APC: variants seen among roughly 807,000 people sequenced by gnomAD.
The protein encoded by APC is adenomatous polyposis coli protein.
Under a neutral mutation model 247.0 loss-of-function variants are expected in APC, and 72 were observed. That is an observed-to-expected ratio of 0.29 (90% CI 0.24 to 0.35). APC has a LOEUF of 0.35. APC is among the 10% of genes least tolerant of loss of function. The pLI, the probability that APC is intolerant of heterozygous loss-of-function variation, is 1.00. For synonymous variants in APC, 1,254 were observed against 1,162.5 expected (o/e 1.08, Z -1.60); for missense variants, 3,400 against 3,360.7 (o/e 1.01, Z -0.29).
At chr5:112,748,274 A>G (rs1203295018) in intron 1 of APC, among the ~76,000 whole-genome samples, 1 of 152,198 alleles carries the variant, frequency 6.6e-6, no homozygotes, top group African/African-American at 2.4e-5. Context: ...ATGGGGCCTT[A>G]GTAGGGAAGA....
rs77744608 is a variant in APC, at chr5:112,802,845, A to G, written c.834+1462A>G. Reference sequence around the variant, plus strand: ...TTATTTGCAAACATTTATGACGTGTAAAAAGTTAAAATTCAAGATGCAAAA... The same window carrying G: ...TTATTTGCAAACATTTATGACGTGTGAAAAGTTAAAATTCAAGATGCAAAA... On this transcript the variant is annotated intron_variant, in intron 8 of 15. Coordinates refer to ENST00000257430, the MANE Select transcript of APC (RefSeq NM_000038.6). 0.018 allele frequency among the ~76,000 whole-genome samples: 2,782 copies of G among 152,270 alleles called. 33 individuals are homozygous for G. The highest frequency in any genetic ancestry group is 0.081 in the East Asian group (422 of 5,184).
rs2149910764 is a variant in APC at position 112,839,877 on chromosome 5, G to C, written c.4283G>C (p.Gly1428Ala). ...ISPSDLPDSP[G>A]QTMPPSRSKT... ...CCCAGTGATCTTCCAGATAGCCCTGGACAAACCATGCCACCAAGCAGAAGT... is the reference window on the plus strand; with the variant it reads ...CCCAGTGATCTTCCAGATAGCCCTGCACAAACCATGCCACCAAGCAGAAGT... Residue 1428 changes from glycine to alanine, a missense_variant, in exon 16 of 16, where the codon GGA becomes GCA. Coordinates refer to ENST00000257430, the MANE Select transcript of APC (RefSeq NM_000038.6). This position sits in a 1 kb window ranked among gnomAD's most constrained non-coding sequence, Gnocchi z 5.0. 6.2e-7 allele frequency: 1 copy of C among 1,613,994 alleles called. No homozygotes were observed. Among genetic ancestry groups the C allele is most frequent in the South Asian group, 1.1e-5 (1 of 91,074 alleles).
chr5:112,779,851 G>A lies in APC; in HGVS notation c.532-939G>A, dbSNP rs551489857. Among the ~76,000 whole-genome samples the A allele has an allele frequency of 2.6e-5, 4 of 152,184 alleles. No homozygotes were observed. The highest frequency in any genetic ancestry group is 1.5e-5 in the Non-Finnish European group (1 of 68,018). On this transcript the variant is annotated intron_variant, in intron 5 of 15. Transcript: ENST00000257430. ...ATCTGTATGTTGCAAAGGGAAAAGG[G>A]TGAGAACTAATCTAACTACAACTGA...
chr5:112,750,017 C>T (rs1254825826), intron 1 of APC, among the ~76,000 whole-genome samples: 1 of 138,188 alleles, frequency 7.2e-6, no homozygotes, highest in East Asian at 2.2e-4. Flanking sequence ...GGCTGGAGTG[C>T]AGTGGCGCGA....
At chr5:112,822,132 T>C in intron 11 of APC, 141 bp downstream of exon 11, 2 of 636,878 alleles carry the variant, frequency 3.1e-6, no homozygotes, top group East Asian at 2.8e-5. Context: ...TATCAGCTGC[T>C]TCCTCTGTGT....
intron 4 of APC, 115 bp from the exon 5 acceptor site, chr5:112,775,514 C>A: frequency 1.7e-6 from 1 of 598,538 alleles, no homozygotes; most frequent in Non-Finnish European, 3.0e-6. Context: ...TTGAGTAATT[C>A]ATTATTAGCA....
chr5:112,840,953 A>G lies in APC; in HGVS notation c.5359A>G (p.Thr1787Ala), dbSNP rs1312187161. 4 of 1,613,052 alleles carry G rather than the reference A, an allele frequency of 2.5e-6. No homozygotes were observed. Among genetic ancestry groups the G allele is most frequent in the African/African-American group, 1.3e-5 (1 of 74,924 alleles). ...KPIPQNTEYR[T>A]RVRKNADSKN... ...TATACCACAAAATACTGAATATAGG[A>G]CACGTGTAAGAAAAAATGCAGACTC... Residue 1787 changes from threonine to alanine, a missense_variant, in exon 16 of 16, where the codon ACA (threonine) becomes GCA (alanine). Around this residue, in one of 9 missense-constraint regions of APC, gnomAD observed 1,788 missense variants for 1,649.5 expected, o/e 1.08. Coordinates refer to ENST00000257430, the MANE Select transcript of APC (RefSeq NM_000038.6). The surrounding 1 kb of genome is among the most constrained non-coding windows in gnomAD (Gnocchi z 4.1).
chr5:112,812,765 T>G (rs1055023327), intron 8 of APC, among the ~76,000 whole-genome samples: 3 of 152,226 alleles, frequency 2.0e-5, no homozygotes, highest in Admixed American at 6.5e-5. Flanking sequence ...TGAGAATGTC[T>G]TATTCATTTA....
At chr5:112,745,010 T>C (rs1753480211) in intron 1 of APC, among the ~76,000 whole-genome samples, 1 of 152,194 alleles carries the variant, frequency 6.6e-6, no homozygotes, top group African/African-American at 2.4e-5. Context: ...TGAGTTAATA[T>C]ATAGAAAGCA....
intron 12 of APC, 73 bp from the exon 13 acceptor site, chr5:112,827,856 T>C (rs1209159885): frequency 8.0e-7 from 1 of 1,244,614 alleles, no homozygotes; most frequent in Non-Finnish European, 1.2e-6. Context: ...GAATTAGACA[T>C]TTAGTAGCCA....
intron 1 of APC, among the ~76,000 whole-genome samples, chr5:112,750,658 T>G (rs1297920640): frequency 6.6e-6 from 1 of 152,186 alleles, no homozygotes; most frequent in African/African-American, 2.4e-5. Context: ...AGAATCTCCT[T>G]TATTACTCCT....
chr5:112,793,805 A>C (rs1759906707), intron 7 of APC, among the ~76,000 whole-genome samples: 1 of 152,202 alleles, frequency 6.6e-6, no homozygotes, highest in Non-Finnish European at 1.5e-5. Flanking sequence ...TCCAGTATCT[A>C]ACATCATGTA....
intron 7 of APC, among the ~76,000 whole-genome samples, chr5:112,795,063 G>A (rs904724257): frequency 7.9e-5 from 12 of 152,168 alleles, no homozygotes; most frequent in East Asian, 1.9e-4. Flanking sequence ...GTCTCGCTCT[G>A]TAGCCCAGGC....
chr5:112,765,964 G>GCT (rs1249244184), intron 2 of APC, among the ~76,000 whole-genome samples: 2 of 152,104 alleles, frequency 1.3e-5, no homozygotes, highest in Admixed American at 6.6e-5. Context: ...AAGAGACATG[G>GCT]ATTCTAAACA....
chr5:112,789,929 C>CG (rs371848823), intron 6 of APC, among the ~76,000 whole-genome samples: 56 of 151,606 alleles, frequency 3.7e-4, no homozygotes, highest in African/African-American at 7.0e-4. Context: ...GGCACGATAT[C>CG]GCTCACTGCA....
chr5:112,758,850 G>A (rs185682483), intron 2 of APC, among the ~76,000 whole-genome samples: 59 of 152,174 alleles, frequency 3.9e-4, no homozygotes, highest in Non-Finnish European at 7.6e-4. Context: ...TGATCCACCC[G>A]CCTCGGCCTC....
chr5:112,806,377 C>T (rs531481294), intron 8 of APC, among the ~76,000 whole-genome samples: 2 of 152,152 alleles, frequency 1.3e-5, no homozygotes, highest in East Asian at 3.9e-4. Context: ...TAGTAGATAA[C>T]AATAAATATG....
upstream of APC, chr5:112,737,773 C>G: frequency 3.3e-6 from 3 of 912,688 alleles, no homozygotes; most frequent in African/African-American, 1.8e-5. Context: ...CTGTGTAATC[C>G]GCTGGATGCG....
chr5:112,745,966 G>A (rs1053581182), intron 1 of APC, among the ~76,000 whole-genome samples: 1 of 152,172 alleles, frequency 6.6e-6, no homozygotes, highest in African/African-American at 2.4e-5. Flanking sequence ...TGGAAAGTAT[G>A]TGTTGATGTT....
Sources: allele counts gnomAD v4.1 joint callset (sites outside exome capture counted in the v4.1 genomes callset), GRCh38; gene constraint gnomAD v4.1.1; regional missense constraint gnomAD v4.1.1; non-coding constraint Gnocchi (gnomAD v3.1); transcripts MANE v1.5; gene names NCBI Gene and HGNC (gene_info 2026-07-23, HGNC 2026-07-21).